The following TLCD4 variants were observed in gnomAD, a reference collection of about 807,000 sequenced individuals.
TLCD4 encodes TLC domain containing 4, also known as TLC domain-containing protein 4.
Under a neutral mutation model 24.2 loss-of-function variants are expected in TLCD4, and 7 were observed. That is an observed-to-expected ratio of 0.29 (90% CI 0.16 to 0.54). The LOEUF (loss-of-function observed/expected upper bound fraction) is 0.54, where lower values mean the gene tolerates loss of function less well. Among genes scored for constraint, TLCD4 ranks in the 20% least tolerant of loss-of-function variants. TLCD4 has a pLI of 0.95. For synonymous variants in TLCD4, 103 were observed against 106.4 expected, an observed-to-expected ratio of 0.97 and a Z score of 0.20; for missense variants, 259 against 313.9, an observed-to-expected ratio of 0.82 and a Z score of 1.32.
chr1:95,180,144 G>A (rs751724189), intron 6 of TLCD4, among the ~76,000 whole-genome samples: 2 of 152,168 alleles, frequency 1.3e-5, no homozygotes, highest in African/African-American at 4.8e-5. Flanking sequence ...CTCCCAAGAG[G>A]TGATAAGTTA....
At chr1:95,152,524 T>A (rs1414032337) in intron 5 of TLCD4, among the ~76,000 whole-genome samples, 1 of 152,158 alleles carries the variant, frequency 6.6e-6, no homozygotes, top group Admixed American at 6.6e-5. Context: ...AAGTGATGAA[T>A]AGAAGCAAGT....
chr1:95,101,652 G>T, the TLCD4 span, among the ~76,000 whole-genome samples: 2 of 152,096 alleles, frequency 1.3e-5, no homozygotes, highest in Non-Finnish European at 2.9e-5. Context: ...TTTTTAACAT[G>T]ACTCCAGTTA....
chr1:95,155,138 GT>G (rs1399010085), intron 5 of TLCD4, among the ~76,000 whole-genome samples: 2 of 151,902 alleles, frequency 1.3e-5, no homozygotes, highest in Non-Finnish European at 1.5e-5. Flanking sequence ...GCATAATTTA[GT>G]TCTCTTTTCC....
chr1:95,156,641 T>G (rs1677641052), intron 5 of TLCD4, among the ~76,000 whole-genome samples: 1 of 152,104 alleles, frequency 6.6e-6, no homozygotes, highest in African/African-American at 2.4e-5. Flanking sequence ...AGAAGCTAAT[T>G]TTGATGGTTA....
intron 6 of TLCD4, among the ~76,000 whole-genome samples, chr1:95,190,703 T>C (rs914082104): frequency 6.6e-6 from 1 of 152,226 alleles, no homozygotes; most frequent in South Asian, 2.1e-4. Context: ...ATTACAGGCG[T>C]GAGCCACTGC....
upstream of TLCD4, among the ~76,000 whole-genome samples, chr1:95,115,410 G>C (rs1353850308): frequency 6.6e-6 from 1 of 152,108 alleles, no homozygotes; most frequent in Non-Finnish European, 1.5e-5. Context: ...ACCCAGCCAT[G>C]AACTGGATAT....
At chr1:95,137,970 T>C (rs1677095076) in intron 1 of TLCD4, among the ~76,000 whole-genome samples, 1 of 152,128 alleles carries the variant, frequency 6.6e-6, no homozygotes. Context: ...ACTCCTGGCC[T>C]GAAGCAGTCC....
At chr1:95,153,630 C>T (rs528523897) in intron 5 of TLCD4, among the ~76,000 whole-genome samples, 2 of 152,242 alleles carry the variant, frequency 1.3e-5, no homozygotes, top group South Asian at 4.1e-4. Context: ...ATCCAATTCA[C>T]ACGTAGTTTG....
the TLCD4 span, among the ~76,000 whole-genome samples, chr1:95,107,848 CA>C: frequency 1.3e-5 from 2 of 151,780 alleles, no homozygotes; most frequent in African/African-American, 4.8e-5. Flanking sequence ...TAGAATTAAA[CA>C]AAAAAAGATA....
intron 1 of TLCD4, among the ~76,000 whole-genome samples, chr1:95,119,125 T>C (rs144652024): frequency 6.6e-6 from 1 of 152,322 alleles, no homozygotes; most frequent in African/African-American, 2.4e-5. Context: ...CTCTAAGCCT[T>C]CTTTACCCTG....
chr1:95,126,907 A>G (rs1676752718), intron 1 of TLCD4, among the ~76,000 whole-genome samples: 2 of 152,246 alleles, frequency 1.3e-5, no homozygotes, highest in South Asian at 2.1e-4. Flanking sequence ...GGGCAGAGAC[A>G]TAGACTCCAC....
chr1:95,150,122 T>C (rs76086699), intron 3 of TLCD4, 86 bp from the exon 4 acceptor site: 247,626 of 1,463,100 alleles, frequency 0.17, 21,827 homozygotes, highest in Non-Finnish European at 0.18. Flanking sequence ...AAAGCAATTT[T>C]ATTATATTTA....
intron 1 of TLCD4, among the ~76,000 whole-genome samples, chr1:95,125,333 A>G (rs1676706164): frequency 6.6e-6 from 1 of 152,226 alleles, no homozygotes; most frequent in African/African-American, 2.4e-5. Context: ...TCAAGGAAAC[A>G]TGTCACCATA....
chr1:95,176,950 G>A (rs1004350010), intron 6 of TLCD4, among the ~76,000 whole-genome samples: 1 of 152,170 alleles, frequency 6.6e-6, no homozygotes, highest in African/African-American at 2.4e-5. Context: ...GGCTGTACAT[G>A]CAAGGGTTTA....
chr1:95,120,552 G>A (rs929861725), intron 1 of TLCD4, among the ~76,000 whole-genome samples: 1 of 152,198 alleles, frequency 6.6e-6, no homozygotes, highest in Non-Finnish European at 1.5e-5. Context: ...AGGAGCTTCT[G>A]AACTGGTGTA....
chr1:95,149,522 C>G (rs1041319399), intron 3 of TLCD4, among the ~76,000 whole-genome samples: 1 of 152,046 alleles, frequency 6.6e-6, no homozygotes, highest in Non-Finnish European at 1.5e-5. Context: ...GGACGTTTTT[C>G]TATTCATAAA....
At chr1:95,152,122 T>C (rs1351783439) in intron 5 of TLCD4, among the ~76,000 whole-genome samples, 1 of 152,058 alleles carries the variant, frequency 6.6e-6, no homozygotes, top group African/African-American at 2.4e-5. Flanking sequence ...TCTGTTGTTA[T>C]AGTTTAAAAT....
chr1:95,154,708 T>C (rs1344387049), intron 5 of TLCD4, among the ~76,000 whole-genome samples: 2 of 152,038 alleles, frequency 1.3e-5, no homozygotes, highest in Non-Finnish European at 2.9e-5. Flanking sequence ...CTCTGTCTTA[T>C]AAGCAAATAA....
chr1:95,098,093 A>G, the TLCD4 span, among the ~76,000 whole-genome samples: 1 of 152,192 alleles, frequency 6.6e-6, no homozygotes, highest in Non-Finnish European at 1.5e-5. Context: ...TATCAGATCT[A>G]TATAGCACAA....
Sources: allele counts gnomAD v4.1 joint callset (sites outside exome capture counted in the v4.1 genomes callset), GRCh38; gene constraint gnomAD v4.1.1; transcripts MANE v1.5; gene names NCBI Gene and HGNC (gene_info 2026-07-23, HGNC 2026-07-21).